The following CSMD1 variants were observed in gnomAD, a reference collection of about 807,000 sequenced individuals.
CSMD1 encodes the protein CUB and Sushi multiple domains 1.
A neutral mutation model predicts 417.5 loss-of-function variants in CSMD1; 213 were observed. That is an observed-to-expected ratio of 0.51 (90% CI 0.46 to 0.57). The LOEUF is 0.57. Among genes scored for constraint, CSMD1 ranks in the 20% least tolerant of loss-of-function variants. The pLI is 0.00. For missense variants in CSMD1, 6,923 were observed against 4,529.7 expected (o/e 1.53, Z -15.17); for synonymous variants, 2,862 against 1,736.8 (o/e 1.65, Z -16.11).
intron 3 of CSMD1, among the ~76,000 whole-genome samples, chr8:4,115,549 A>G (rs896631044): frequency 6.6e-6 from 1 of 152,214 alleles, no homozygotes; most frequent in African/African-American, 2.4e-5. Flanking sequence ...CAGCTAATTC[A>G]TAATTTATTA....
At chr8:3,768,710 G>A (rs912438217) in intron 5 of CSMD1, among the ~76,000 whole-genome samples, 6 of 152,308 alleles carry the variant, frequency 3.9e-5, no homozygotes, top group South Asian at 2.1e-4. Flanking sequence ...GCAAAGTTAT[G>A]TAATTTCTTT....
chr8:3,297,638 G>A (rs1370004873), intron 25 of CSMD1, among the ~76,000 whole-genome samples: 1 of 152,114 alleles, frequency 6.6e-6, no homozygotes, highest in Non-Finnish European at 1.5e-5. Context: ...TCTCCATACT[G>A]TACACAAAAA....
chr8:3,845,963 A>C (rs1481052387), intron 5 of CSMD1, among the ~76,000 whole-genome samples: 1 of 152,028 alleles, frequency 6.6e-6, no homozygotes, highest in Admixed American at 6.6e-5. Flanking sequence ...CAGGCTCCTC[A>C]GGGGCAGTAG....
chr8:4,640,417 G>T lies in CSMD1; in HGVS notation c.86-2859C>A, dbSNP rs747998810. ...CCGTGATTAAAGCAGTGTTTGATTG[G>T]TGTAAGCCTAAATAGCCAGTGGAAC... On this transcript the variant is annotated intron_variant, in intron 1 of 69. Coordinates refer to ENST00000635120, the MANE Select transcript of CSMD1 (RefSeq NM_033225.6). Among the ~76,000 whole-genome samples, 3 of 152,090 alleles carry T rather than the reference G, an allele frequency of 2.0e-5. No individual in the cohort carries two copies. The East Asian group carries it at 5.8e-4, about 29-fold the overall frequency.
chr8:4,932,472 C>G (rs922542188), intron 1 of CSMD1, among the ~76,000 whole-genome samples: 3 of 152,126 alleles, frequency 2.0e-5, no homozygotes, highest in African/African-American at 7.2e-5. Flanking sequence ...AAATAATATA[C>G]TACCTCATTA....
chr8:4,014,861 C>T (rs912248711), intron 4 of CSMD1, among the ~76,000 whole-genome samples: 3 of 152,116 alleles, frequency 2.0e-5, no homozygotes, highest in Admixed American at 1.3e-4. Flanking sequence ...TTTAGAAATA[C>T]TACAAAGTAA....
At chr8:4,291,750 G>A (rs564954234) in intron 3 of CSMD1, among the ~76,000 whole-genome samples, 43 of 152,246 alleles carry the variant, frequency 2.8e-4, no homozygotes, top group African/African-American at 9.6e-4. Context: ...AAAAGTTAAA[G>A]AATATTAGGC....
chr8:3,605,651 T>C (rs1012509529), intron 8 of CSMD1, among the ~76,000 whole-genome samples: 3 of 152,242 alleles, frequency 2.0e-5, no homozygotes, highest in Admixed American at 6.5e-5. Context: ...TATTTCAAAA[T>C]AGAATGAAAA....
chr8:4,618,227 C>G (rs1296192221), intron 2 of CSMD1, among the ~76,000 whole-genome samples: 1 of 152,126 alleles, frequency 6.6e-6, no homozygotes, highest in Non-Finnish European at 1.5e-5. Flanking sequence ...CTCATCCTAC[C>G]CAACTCAAGC....
intron 10 of CSMD1, among the ~76,000 whole-genome samples, chr8:3,502,117 C>T (rs558423013): frequency 1.3e-5 from 2 of 152,276 alleles, no homozygotes; most frequent in Non-Finnish European, 2.9e-5. Flanking sequence ...CAAATCCCAG[C>T]ACTTTGGAAG....
At chr8:4,753,006 G>A (rs1811431240) in intron 1 of CSMD1, among the ~76,000 whole-genome samples, 1 of 152,224 alleles carries the variant, frequency 6.6e-6, no homozygotes, top group African/African-American at 2.4e-5. Context: ...GGTATATAAC[G>A]ACAGTTATTA....
chr8:4,644,003 T>A (rs1803364979), intron 1 of CSMD1, among the ~76,000 whole-genome samples: 1 of 152,130 alleles, frequency 6.6e-6, no homozygotes, highest in Admixed American at 6.5e-5. Flanking sequence ...CCCAAACACT[T>A]ATGGGAGATT....
chr8:3,715,911 C>T (rs1291261609), intron 6 of CSMD1, among the ~76,000 whole-genome samples: 3 of 152,228 alleles, frequency 2.0e-5, no homozygotes, highest in Non-Finnish European at 1.5e-5. Context: ...CATTCCTCTG[C>T]AGCTGCTGCA....
intron 5 of CSMD1, among the ~76,000 whole-genome samples, chr8:3,778,292 T>G (rs1050496523): frequency 6.6e-6 from 1 of 152,230 alleles, no homozygotes; most frequent in African/African-American, 2.4e-5. Context: ...GTTTACCATT[T>G]AAAAGGGTAT....
At chr8:3,416,012 G>A (rs919801121) in intron 12 of CSMD1, among the ~76,000 whole-genome samples, 4 of 152,244 alleles carry the variant, frequency 2.6e-5, no homozygotes, top group Middle Eastern at 3.4e-3. Flanking sequence ...TTAAAAATAA[G>A]TGTTCTTGGC....
intron 3 of CSMD1, among the ~76,000 whole-genome samples, chr8:4,412,053 G>A (rs1403480480): frequency 6.6e-6 from 1 of 151,688 alleles, no homozygotes; most frequent in Non-Finnish European, 1.5e-5. Flanking sequence ...ATCTCAATGT[G>A]CCTCTGATAT....
intron 3 of CSMD1, among the ~76,000 whole-genome samples, chr8:4,381,734 G>C (rs181152362): frequency 6.6e-6 from 1 of 152,114 alleles, no homozygotes; most frequent in African/African-American, 2.4e-5. Context: ...ATGGACTTTA[G>C]GCTTCGATGC....
chr8:4,636,176 CATCAGTA>C (rs1449008408), intron 2 of CSMD1, among the ~76,000 whole-genome samples: 3 of 151,960 alleles, frequency 2.0e-5, no homozygotes, highest in Non-Finnish European at 4.4e-5. Flanking sequence ...TTGGCATTAA[CATCAGTA>C]ATCTATATAA....
At chr8:3,535,896 T>C (rs1282703977) in intron 10 of CSMD1, among the ~76,000 whole-genome samples, 1 of 151,992 alleles carries the variant, frequency 6.6e-6, no homozygotes, top group African/African-American at 2.4e-5. Flanking sequence ...CCACTAAGCT[T>C]CCCCCTCCTG....
Sources: allele counts gnomAD v4.1 joint callset (sites outside exome capture counted in the v4.1 genomes callset), GRCh38; gene constraint gnomAD v4.1.1; transcripts MANE v1.5; gene names NCBI Gene and HGNC (gene_info 2026-07-23, HGNC 2026-07-21).